The following KCNMB2 variants were observed in gnomAD, a reference collection of about 807,000 sequenced individuals.
KCNMB2 encodes the protein calcium-activated potassium channel subunit beta-2.
KCNMB2 carries 9 observed loss-of-function variants against 24.5 expected under a neutral mutation model. The observed-to-expected ratio is 0.37, with a 90% CI of 0.22 to 0.64. The LOEUF (loss-of-function observed/expected upper bound fraction) is 0.64. Among genes scored for constraint, KCNMB2 ranks in the 30% least tolerant of loss-of-function variants. The pLI is 0.63. For missense variants in KCNMB2, 226 were observed against 284.3 expected (o/e 0.79, Z 1.47); for synonymous variants, 109 against 104.4 (o/e 1.04, Z -0.27).
intron 1 of KCNMB2, among the ~76,000 whole-genome samples, chr3:178,594,442 A>G (rs1717792774): frequency 6.6e-6 from 1 of 152,076 alleles, no homozygotes; most frequent in South Asian, 2.1e-4. Flanking sequence ...AAGCAATAGG[A>G]TTTGCTGGTG....
At chr3:178,612,220 T>C (rs1718507005) in intron 1 of KCNMB2, among the ~76,000 whole-genome samples, 2 of 152,214 alleles carry the variant, frequency 1.3e-5, no homozygotes, top group African/African-American at 4.8e-5. Context: ...AGATTGTGAG[T>C]TCTGCAGATG....
chr3:178,620,667 AC>A (rs1329364543), intron 1 of KCNMB2, among the ~76,000 whole-genome samples: 1 of 152,216 alleles, frequency 6.6e-6, no homozygotes, highest in Non-Finnish European at 1.5e-5. Flanking sequence ...ATCATTTTAC[AC>A]GTTAGGATTT....
intron 1 of KCNMB2, among the ~76,000 whole-genome samples, chr3:178,566,528 C>T (rs758239661): frequency 1.1e-4 from 17 of 152,134 alleles, no homozygotes; most frequent in Non-Finnish European, 1.8e-4. Flanking sequence ...AAACTTTCTC[C>T]AAAACCAAGT....
chr3:178,730,631 C>G (rs1723118862), intron 1 of KCNMB2, among the ~76,000 whole-genome samples: 1 of 152,156 alleles, frequency 6.6e-6, no homozygotes, highest in Non-Finnish European at 1.5e-5. Context: ...AACTCTTTGC[C>G]ATGACTTATG....
At chr3:178,658,516 C>G (rs1159977649) in intron 1 of KCNMB2, among the ~76,000 whole-genome samples, 1 of 152,168 alleles carries the variant, frequency 6.6e-6, no homozygotes, top group Non-Finnish European at 1.5e-5. Flanking sequence ...GAAGCTTTTT[C>G]TTACCCCTGC....
At chr3:178,586,523 CTTTTTTTTTTCTTTCT>C (rs1717435018) in intron 1 of KCNMB2, among the ~76,000 whole-genome samples, 2 of 61,828 alleles carry the variant, frequency 3.2e-5, no homozygotes, top group African/African-American at 1.1e-4. Context: ...ATTTTCTTTT[CTTTTTTTTTTCTTTCT>C]TTTTTTTTTT....
At chr3:178,750,398 C>A (rs1207935226) in intron 1 of KCNMB2, among the ~76,000 whole-genome samples, 1 of 151,776 alleles carries the variant, frequency 6.6e-6, no homozygotes, top group Non-Finnish European at 1.5e-5. Flanking sequence ...AAAACAAAAA[C>A]AAAAACAAAA....
chr3:178,620,129 A>G (rs1413964715), intron 1 of KCNMB2, among the ~76,000 whole-genome samples: 1 of 152,190 alleles, frequency 6.6e-6, no homozygotes, highest in African/African-American at 2.4e-5. Context: ...ATATATTATG[A>G]TATGTTCCTA....
At chr3:178,552,579 A>G (rs997514342) in intron 1 of KCNMB2, among the ~76,000 whole-genome samples, 3 of 152,162 alleles carry the variant, frequency 2.0e-5, no homozygotes, top group Non-Finnish European at 4.4e-5. Flanking sequence ...AATATGATGC[A>G]TGGGGCTGCT....
At chr3:178,757,876 A>G (rs1724204679) in intron 1 of KCNMB2, among the ~76,000 whole-genome samples, 1 of 122,510 alleles carries the variant, frequency 8.2e-6, no homozygotes. Context: ...TATATATCCA[A>G]GAGGATACAT....
intron 1 of KCNMB2, among the ~76,000 whole-genome samples, chr3:178,699,963 G>A (rs984598293): frequency 6.6e-6 from 1 of 152,234 alleles, no homozygotes; most frequent in Non-Finnish European, 1.5e-5. Context: ...TTCCCCTGGA[G>A]CTGTTGTGGT....
At position 178,792,864 on chromosome 3, in the gene KCNMB2, C is replaced by T. The variant is rs553308544; in HGVS notation, c.-67-14479C>T. ...TGTCACTGCCAAGCCTGCAGCCTGA[C>T]GCCCTCTCAATAGTGCCTGCATTGG... is the stretch of plus-strand genomic sequence containing the variant. On this transcript the variant is annotated intron_variant, in intron 1 of 4. Transcript: ENST00000452583. Among the ~76,000 whole-genome samples the T allele has an allele frequency of 2.4e-4, 37 of 152,344 alleles. No homozygotes were observed. The South Asian group carries it at 6.8e-3, about 28-fold the overall frequency.
chr3:178,610,477 T>G (rs538724367), intron 1 of KCNMB2, among the ~76,000 whole-genome samples: 7 of 152,298 alleles, frequency 4.6e-5, no homozygotes, highest in Admixed American at 2.6e-4. Context: ...CTTCTTTGGT[T>G]ATGTTAATTC....
intron 1 of KCNMB2, among the ~76,000 whole-genome samples, chr3:178,760,573 A>G (rs552755761): frequency 6.7e-6 from 1 of 149,236 alleles, no homozygotes; most frequent in African/African-American, 2.5e-5. Flanking sequence ...ACTTTTTATC[A>G]TAACTCTTCC....
intron 1 of KCNMB2, among the ~76,000 whole-genome samples, chr3:178,709,012 T>G (rs1392072239): frequency 6.6e-6 from 1 of 152,182 alleles, no homozygotes; most frequent in Non-Finnish European, 1.5e-5. Flanking sequence ...ATAAGAAGCT[T>G]AACTCCTCTT....
chr3:178,665,644 A>G (rs759897095), intron 1 of KCNMB2, among the ~76,000 whole-genome samples: 4 of 152,156 alleles, frequency 2.6e-5, no homozygotes, highest in Non-Finnish European at 5.9e-5. Context: ...AATCTGACAT[A>G]TGAGCAAGTT....
intron 1 of KCNMB2, among the ~76,000 whole-genome samples, chr3:178,720,260 T>C (rs942797402): frequency 2.6e-5 from 4 of 151,658 alleles, no homozygotes; most frequent in African/African-American, 9.7e-5. Context: ...AATAGTTTAC[T>C]GAGAATGATG....
At position 178,759,372 on chromosome 3, in the gene KCNMB2, GATATATAT is replaced by G. The variant is rs1222364329; in HGVS notation, c.-67-47960_-67-47953del. Among the ~76,000 whole-genome samples the G allele has an allele frequency of 5.1e-4, 9 of 17,774 alleles. 1 individual carries two copies. Among genetic ancestry groups the G allele is most frequent in the South Asian group, 3.6e-3 (2 of 560 alleles). The allele number at this position is 17,774 out of a possible 152,430, so 11.7% of individuals were successfully genotyped here. A position where few individuals can be genotyped will look rare whatever the true frequency, so the allele number is the denominator to read the frequency against. ...ATATATATATATATATCTCCAAGAG[GATATATAT>G]ATATATATATCTCTCCAAGAGGATA... On this transcript the variant is annotated intron_variant, in intron 1 of 4. Coordinates refer to ENST00000452583, the MANE Select transcript of KCNMB2 (RefSeq NM_181361.3).
In KCNMB2 at chr3:178,689,295, TA is replaced by T. The variant is rs1256707064; in HGVS notation, c.-67-118043del. ...CATTTTATGGAACTTTGTGTACTGT[TA>T]AAAAGGGTGTTACCAGCTAGAACCG... On this transcript the variant is annotated intron_variant, in intron 1 of 4. Coordinates refer to ENST00000452583, the MANE Select transcript of KCNMB2 (RefSeq NM_181361.3). Among the ~76,000 whole-genome samples, 3 of 152,130 alleles carry T rather than the reference TA, an allele frequency of 2.0e-5. No individual in the cohort carries two copies. In the East Asian group the frequency reaches 5.8e-4, roughly 29 times the overall value.
Sources: gnomAD v4.1 joint callset for allele counts (sites outside exome capture counted in the v4.1 genomes callset) on GRCh38, gnomAD v4.1.1 for gene constraint, MANE v1.5 for transcripts, NCBI Gene and HGNC (gene_info 2026-07-23, HGNC 2026-07-21) for gene names.